Variants in KCNQ5 observed in about 807,000 individuals in gnomAD.
KCNQ5 encodes the protein potassium voltage-gated channel subfamily KQT member 5.
In KCNQ5, 30 loss-of-function variants were observed where a neutral mutation model predicts 98.2. The ratio of observed to expected loss-of-function variants is 0.31; its 90% CI spans 0.23 to 0.41. The LOEUF (loss-of-function observed/expected upper bound fraction) is 0.41. Among genes scored for constraint, KCNQ5 ranks in the 10% least tolerant of loss-of-function variants. The probability of loss-of-function intolerance (pLI) is 1.00; values close to 1 mark genes in which losing one functional copy is unlikely to be tolerated. For synonymous variants in KCNQ5, 458 were observed against 449.4 expected (o/e 1.02, Z -0.24); for missense variants, 835 against 1,182.5 (o/e 0.71, Z 4.31).
chr6:72,710,296 G>A (rs1341790765), intron 1 of KCNQ5, among the ~76,000 whole-genome samples: 2 of 152,140 alleles, frequency 1.3e-5, no homozygotes, highest in Non-Finnish European at 2.9e-5. Flanking sequence ...CAATTAATAA[G>A]CTGGCATTGG....
At chr6:72,771,011 C>A (rs1340772649) in intron 1 of KCNQ5, among the ~76,000 whole-genome samples, 1 of 151,944 alleles carries the variant, frequency 6.6e-6, no homozygotes, top group Non-Finnish European at 1.5e-5. Flanking sequence ...GGGAAGGGGG[C>A]GGGGAATTAT....
At chr6:72,787,136 C>CA (rs1347671687) in intron 1 of KCNQ5, among the ~76,000 whole-genome samples, 15 of 152,204 alleles carry the variant, frequency 9.9e-5, no homozygotes, top group African/African-American at 3.6e-4. Context: ...TGCAGCCCCC[C>CA]ACCTGTTTTT....
At chr6:73,034,922 T>C (rs1210993196) in intron 2 of KCNQ5, among the ~76,000 whole-genome samples, 2 of 148,862 alleles carry the variant, frequency 1.3e-5, no homozygotes, top group African/African-American at 5.0e-5. Context: ...CTCGGCTCAC[T>C]GCAAGCTCCG....
At chr6:73,130,588 A>G (rs1776190836) in intron 9 of KCNQ5, among the ~76,000 whole-genome samples, 1 of 152,166 alleles carries the variant, frequency 6.6e-6, no homozygotes, top group African/African-American at 2.4e-5. Flanking sequence ...ATATTCGTAG[A>G]TGTCACCAAA....
Position 73,198,246 on chromosome 6 carries a change from C to G in KCNQ5, c.*2832C>G, listed in dbSNP as rs901043120. The G allele has an allele frequency of 5.3e-5, 8 of 152,146 alleles. No individual in the cohort carries two copies. Among genetic ancestry groups the G allele is most frequent in the African/African-American group, 9.7e-5 (4 of 41,420 alleles). The allele number at this position is 152,146 out of a possible 1,614,324, so 9.4% of individuals were successfully genotyped here. ...AGCTAATACTTAATTGCAAATATCC[C>G]TTGTATGAGGTTAACTAAAAAAATT... is the stretch of plus-strand genomic sequence containing the variant. On this transcript the variant is annotated 3_prime_UTR_variant, in exon 14 of 14. Coordinates refer to ENST00000370398, the MANE Select transcript of KCNQ5 (RefSeq NM_019842.4).
rs1226657799 is a variant in KCNQ5, at chr6:73,047,435, A to G, written c.616+5373A>G. On this transcript the variant is annotated intron_variant, in intron 3 of 13. Transcript: ENST00000370398. ...ATTGGAGACCTCTGGAGAGCAAGTAACATTACTCGCAGGACTACCTTCAAA... is the reference window on the plus strand; with the variant it reads ...ATTGGAGACCTCTGGAGAGCAAGTAGCATTACTCGCAGGACTACCTTCAAA... 2.6e-5 allele frequency among the ~76,000 whole-genome samples: 4 copies of G among 152,354 alleles called. No individual in the cohort carries two copies. The East Asian group carries it at 7.7e-4, about 29-fold the overall frequency.
intron 1 of KCNQ5, among the ~76,000 whole-genome samples, chr6:72,686,829 T>A (rs115736416): frequency 6.6e-6 from 1 of 152,030 alleles, no homozygotes; most frequent in African/African-American, 2.4e-5. Context: ...GTTTTGTTCC[T>A]TCTTTTAATG....
At chr6:72,643,472 G>C (rs576182795) in intron 1 of KCNQ5, among the ~76,000 whole-genome samples, 1 of 152,118 alleles carries the variant, frequency 6.6e-6, no homozygotes, top group Non-Finnish European at 1.5e-5. Flanking sequence ...TGCACCCTAT[G>C]TAGTACAGAT....
intron 1 of KCNQ5, among the ~76,000 whole-genome samples, chr6:72,867,561 A>C (rs984338283): frequency 6.6e-6 from 1 of 152,206 alleles, no homozygotes; most frequent in Non-Finnish European, 1.5e-5. Flanking sequence ...AAAACTTCAC[A>C]AAGAGGTATA....
At chr6:72,628,271 A>T (rs1169194743) in intron 1 of KCNQ5, among the ~76,000 whole-genome samples, 1 of 152,214 alleles carries the variant, frequency 6.6e-6, no homozygotes, top group African/African-American at 2.4e-5. Flanking sequence ...CATTTAAAAG[A>T]AAAAAGATAT....
Position 72,792,191 on chromosome 6 carries a change from T to C in KCNQ5, c.398+169604T>C, listed in dbSNP as rs149063197. 8.0e-3 allele frequency among the ~76,000 whole-genome samples: 1,213 copies of C among 152,332 alleles called. 7 individuals carry two copies. The highest frequency in any genetic ancestry group is 0.013 in the Admixed American group (202 of 15,302). On this transcript the variant is annotated intron_variant, in intron 1 of 13. Coordinates refer to ENST00000370398, the MANE Select transcript of KCNQ5 (RefSeq NM_019842.4). ...TCTCATAATATATTCCAAAAATGTT[T>C]AAATATTTGTTTGTCCTCTTCTTTT...
At chr6:72,880,963 A>G (rs1778613291) in intron 1 of KCNQ5, among the ~76,000 whole-genome samples, 1 of 152,218 alleles carries the variant, frequency 6.6e-6, no homozygotes, top group African/African-American at 2.4e-5. Flanking sequence ...GGATTGATCC[A>G]AGATTGATGG....
chr6:72,743,625 A>G (rs1054396666), intron 1 of KCNQ5, among the ~76,000 whole-genome samples: 4 of 152,228 alleles, frequency 2.6e-5, no homozygotes, highest in African/African-American at 9.6e-5. Context: ...TATTAGGTCC[A>G]TGCTTATATT....
At position 72,655,026 on chromosome 6, in the gene KCNQ5, GTCTTTCTTTCTTTCTTTCTT is replaced by G. The variant is rs55711635; in HGVS notation, c.398+32491_398+32510del. Among the ~76,000 whole-genome samples, 652 of 105,878 alleles carry G rather than the reference GTCTTTCTTTCTTTCTTTCTT, an allele frequency of 6.2e-3. 1 individual carries two copies. Among genetic ancestry groups the G allele is most frequent in the African/African-American group, 7.6e-3 (189 of 24,894 alleles). The allele number at this position is 105,878 out of a possible 152,430, so 69.5% of individuals were successfully genotyped here. A position where few individuals can be genotyped will look rare whatever the true frequency, so the allele number is the denominator to read the frequency against. ...CATGTTTAATAGCCAAGGTCTGTCT[GTCTTTCTTTCTTTCTTTCTT>G]TCTTTCTTTCTTTCTTTCTTTCTTT... On this transcript the variant is annotated intron_variant, in intron 1 of 13. Coordinates refer to ENST00000370398, the MANE Select transcript of KCNQ5 (RefSeq NM_019842.4).
intron 10 of KCNQ5, among the ~76,000 whole-genome samples, chr6:73,139,864 T>C (rs1166004461): frequency 6.6e-6 from 1 of 152,176 alleles, no homozygotes; most frequent in African/African-American, 2.4e-5. Context: ...GCTGTTTCTC[T>C]TGGTGACTCC....
Position 72,622,513 on chromosome 6 carries a change from C to T in KCNQ5, c.324C>T (p.Tyr108=). ...AGAGCTGCCGGCGCAACGTCAAGTACCGGCGGGTGCAGAACTACCTGTACA... is the reference window on the plus strand; with the variant it reads ...AGAGCTGCCGGCGCAACGTCAAGTATCGGCGGGTGCAGAACTACCTGTACA... ...SSQSCRRNVK[Y]RRVQNYLYNV... is the part of the protein sequence containing the mutation. The change falls in exon 1 of 14, where the codon TAC becomes TAT. Residue 108 remains tyrosine, a synonymous_variant. Coordinates refer to ENST00000370398, the MANE Select transcript of KCNQ5 (RefSeq NM_019842.4). This position sits in a 1 kb window ranked among gnomAD's most constrained non-coding sequence, Gnocchi z 6.0. The T allele has an allele frequency of 4.4e-6, 7 of 1,598,016 alleles. No homozygotes were observed. In the South Asian group the frequency reaches 7.8e-5, roughly 18 times the overall value.
intron 3 of KCNQ5, among the ~76,000 whole-genome samples, chr6:73,050,474 T>A (rs1161515965): frequency 6.6e-6 from 1 of 152,336 alleles, no homozygotes; most frequent in East Asian, 1.9e-4. Context: ...CATGTTCAAA[T>A]GTACTCTTTA....
chr6:72,791,198 T>C (rs1361316155), intron 1 of KCNQ5, among the ~76,000 whole-genome samples: 2 of 152,168 alleles, frequency 1.3e-5, no homozygotes, highest in Admixed American at 1.3e-4. Context: ...GCTAAATGCC[T>C]GAGACAGCAG....
intron 1 of KCNQ5, among the ~76,000 whole-genome samples, chr6:72,680,159 G>A (rs796399689): frequency 5.5e-4 from 84 of 152,232 alleles, no homozygotes; most frequent in African/African-American, 1.9e-3. Context: ...TAAAAAAGAA[G>A]CCTCCTTGTC....
Sources: gnomAD v4.1 joint callset for allele counts (sites outside exome capture counted in the v4.1 genomes callset) on GRCh38, gnomAD v4.1.1 for gene constraint, Gnocchi (gnomAD v3.1) non-coding constraint, MANE v1.5 for transcripts, NCBI Gene and HGNC (gene_info 2026-07-23, HGNC 2026-07-21) for gene names.